CASP5: variants seen among roughly 807,000 people sequenced by gnomAD.
CASP5 encodes caspase-5.
In CASP5, 42 loss-of-function variants were observed where a neutral mutation model predicts 45.2. That is an observed-to-expected ratio of 0.93 (90% confidence interval 0.73 to 1.20). CASP5 has a LOEUF of 1.20. Ranked by LOEUF, CASP5 falls within the 50% of genes most tolerant of loss-of-function variation. CASP5 has a pLI of 0.00. For synonymous variants in CASP5, 209 were observed against 186.2 expected (o/e 1.12, Z -1.00); for missense variants, 512 against 532.2 (o/e 0.96, Z 0.37).
At chr11:105,017,090 G>A (rs1461832684) in intron 1 of CASP5, among the ~76,000 whole-genome samples, 5 of 151,792 alleles carry the variant, frequency 3.3e-5, no homozygotes, top group African/African-American at 4.9e-5. Flanking sequence ...ACCTGCAGCT[G>A]AGGGTCCTGT....
intron 5 of CASP5, among the ~76,000 whole-genome samples, chr11:105,000,950 G>C (rs45455694): frequency 0.025 from 3,870 of 152,208 alleles, 143 homozygotes; most frequent in African/African-American, 0.083. Flanking sequence ...ACACTGATCT[G>C]TTGTGCCTCA....
intron 2 of CASP5, among the ~76,000 whole-genome samples, chr11:105,008,304 G>A (rs1862106133): frequency 6.6e-6 from 1 of 152,176 alleles, no homozygotes; most frequent in Non-Finnish European, 1.5e-5. Context: ...AATACATCTA[G>A]AGCTAAATGA....
At chr11:105,009,739 A>G (rs1337851645) in intron 1 of CASP5, among the ~76,000 whole-genome samples, 1 of 66,168 alleles carries the variant, frequency 1.5e-5, no homozygotes, top group South Asian at 4.0e-4. Flanking sequence ...ATATATATAT[A>G]TATATATATA....
chr11:104,999,951 A>G (rs186717568), intron 6 of CASP5, among the ~76,000 whole-genome samples: 1 of 152,230 alleles, frequency 6.6e-6, no homozygotes. Context: ...TCATTTACAA[A>G]TCAAGCTATC....
At chr11:105,007,377 A>G in intron 2 of CASP5, 43 bp from the exon 3 acceptor site, 1 of 1,555,622 alleles carries the variant, frequency 6.4e-7, no homozygotes, top group Non-Finnish European at 8.6e-7. Context: ...GGCACAGCTT[A>G]AAGAGTTCTG....
intron 3 of CASP5, among the ~76,000 whole-genome samples, chr11:105,005,645 G>A (rs1473922632): frequency 6.6e-6 from 1 of 152,086 alleles, no homozygotes; most frequent in Non-Finnish European, 1.5e-5. Context: ...GACCCCTCCT[G>A]CAGGGATCTG....
intron 1 of CASP5, among the ~76,000 whole-genome samples, chr11:105,015,961 T>C (rs1033396046): frequency 6.6e-6 from 1 of 152,110 alleles, no homozygotes; most frequent in African/African-American, 2.4e-5. Flanking sequence ...CTTAGAGTGA[T>C]TAATGGAAAA....
chr11:105,003,134 A>C, intron 4 of CASP5, 140 bp downstream of exon 4: 1 of 631,514 alleles, frequency 1.6e-6, no homozygotes, highest in Non-Finnish European at 2.8e-6. Context: ...CATGTGTTCA[A>C]GATAGCAGTC....
intron 4 of CASP5, among the ~76,000 whole-genome samples, chr11:105,002,555 C>T (rs1861791926): frequency 6.6e-6 from 1 of 152,138 alleles, no homozygotes; most frequent in East Asian, 1.9e-4. Context: ...TCTTTGCCTT[C>T]CGTATTATGA....
intron 1 of CASP5, among the ~76,000 whole-genome samples, chr11:105,017,990 A>T (rs371865643): frequency 6.6e-6 from 1 of 152,306 alleles, no homozygotes; most frequent in East Asian, 1.9e-4. Flanking sequence ...GAAGAGAATG[A>T]GGGCCAATAT....
chr11:105,014,445 A>AT (rs909246396), intron 1 of CASP5, among the ~76,000 whole-genome samples: 1 of 152,014 alleles, frequency 6.6e-6, no homozygotes, highest in African/African-American at 2.4e-5. Flanking sequence ...CCACCATTAG[A>AT]TTTTATGCTC....
intron 5 of CASP5, among the ~76,000 whole-genome samples, chr11:105,001,775 A>G (rs1264920643): frequency 6.6e-6 from 1 of 152,214 alleles, no homozygotes; most frequent in Non-Finnish European, 1.5e-5. Flanking sequence ...ACTCAGTAAC[A>G]ATTGCGAAAA....
intron 1 of CASP5, among the ~76,000 whole-genome samples, chr11:105,016,304 C>T (rs902656973): frequency 1.2e-4 from 18 of 152,046 alleles, no homozygotes; most frequent in African/African-American, 3.4e-4. Context: ...CAGGGGGAGG[C>T]GCCAAGATGG....
chr11:105,020,245 A>T (rs374947761), intron 1 of CASP5, among the ~76,000 whole-genome samples: 2 of 149,614 alleles, frequency 1.3e-5, no homozygotes, highest in Non-Finnish European at 3.0e-5. Flanking sequence ...GAAAACTGGC[A>T]CAAGACAGGG....
At chr11:105,004,736 G>A (rs1200620703) in intron 3 of CASP5, among the ~76,000 whole-genome samples, 1 of 152,102 alleles carries the variant, frequency 6.6e-6, no homozygotes, top group Admixed American at 6.6e-5. Context: ...TTCTGGGAAT[G>A]CAATAAGTTC....
chr11:105,018,107 G>C (rs1369794339), intron 1 of CASP5, among the ~76,000 whole-genome samples: 2 of 151,726 alleles, frequency 1.3e-5, no homozygotes, highest in South Asian at 2.1e-4. Context: ...AGCAAATGCT[G>C]AGAGATTTTG....
At chr11:104,999,680 C>T (rs1211433309) in intron 6 of CASP5, among the ~76,000 whole-genome samples, 3 of 152,150 alleles carry the variant, frequency 2.0e-5, no homozygotes, top group Non-Finnish European at 4.4e-5. Context: ...TTTATCATGT[C>T]ATTACCAGTT....
intron 1 of CASP5, among the ~76,000 whole-genome samples, chr11:105,014,674 G>A (rs1320464770): frequency 6.6e-6 from 1 of 152,096 alleles, no homozygotes; most frequent in Admixed American, 6.6e-5. Context: ...CAGAAGGAAG[G>A]CATATTCATT....
intron 3 of CASP5, among the ~76,000 whole-genome samples, chr11:105,005,110 C>A (rs1861939340): frequency 6.6e-6 from 1 of 151,986 alleles, no homozygotes; most frequent in South Asian, 2.1e-4. Context: ...ATTAGCCTGG[C>A]AGTGCAACAG....
Sources: allele counts gnomAD v4.1 joint callset (sites outside exome capture counted in the v4.1 genomes callset), GRCh38; gene constraint gnomAD v4.1.1; transcripts MANE v1.5; gene names NCBI Gene and HGNC (gene_info 2026-07-23, HGNC 2026-07-21).